Variants in AXL observed in about 807,000 individuals in gnomAD.
AXL encodes the protein tyrosine-protein kinase receptor UFO.
Under a neutral mutation model 104.5 loss-of-function variants are expected in AXL, and 52 were observed. The observed-to-expected ratio is 0.50, with a 90% CI of 0.40 to 0.63. The LOEUF (loss-of-function observed/expected upper bound fraction) is 0.63. Among genes scored for constraint, AXL ranks in the 20% least tolerant of loss-of-function variants. The pLI, the probability that AXL is intolerant of heterozygous loss-of-function variation, is 0.00. For missense variants in AXL, 1,024 were observed against 1,188.5 expected (o/e 0.86, Z 2.04); for synonymous variants, 455 against 473.7 (o/e 0.96, Z 0.51).
Position 41,248,523 on chromosome 19 carries a change from T to C in AXL, c.1547T>C (p.Leu516Pro). The change falls in exon 13 of 20, where the codon CTG (leucine) becomes CCG (proline). Residue 516 changes from leucine (L) to proline (P), a missense_variant. Leu to Pro is a moderately conservative substitution (Grantham distance 98). Coordinates refer to ENST00000301178, the MANE Select transcript of AXL (RefSeq NM_021913.5). The stretch of plus-strand genomic sequence containing the variant: ...CCAACCTTGCATGCAGTGAACAGCC[T>C]GGGCATCAGTGAAGAGCTGAAGGAG... ...RRTTEATLNS[L>P]GISEELKEKL... 1 of 1,614,216 alleles carries C rather than the reference T, an allele frequency of 6.2e-7. No individual in the cohort carries two copies.
At chr19:41,244,472 T>C (rs983678448) in intron 12 of AXL, among the ~76,000 whole-genome samples, 4 of 151,534 alleles carry the variant, frequency 2.6e-5, no homozygotes, top group African/African-American at 9.7e-5. Flanking sequence ...CGGGTTTCTT[T>C]TTTCTTTTTT....
intron 12 of AXL, among the ~76,000 whole-genome samples, chr19:41,245,544 G>A (rs2034257414): frequency 6.6e-6 from 1 of 152,064 alleles, no homozygotes; most frequent in Non-Finnish European, 1.5e-5. Context: ...CCAACATGGC[G>A]AGACCCTGTC....
intron 6 of AXL, among the ~76,000 whole-genome samples, chr19:41,235,215 G>A (rs558033410): frequency 6.6e-6 from 1 of 152,160 alleles, no homozygotes; most frequent in Admixed American, 6.6e-5. Flanking sequence ...GCCGGGTGTG[G>A]TGGTGCATGC....
At position 41,239,719 on chromosome 19, in the gene AXL, G is replaced by A; in HGVS notation, c.1311G>A (p.Leu437=). The A allele has an allele frequency of 1.2e-6, 2 of 1,614,102 alleles. No homozygotes were observed. The highest frequency in any genetic ancestry group is 8.5e-7 in the Non-Finnish European group (1 of 1,180,014). Residue 437 remains leucine (L), a splice_region_variant and synonymous_variant, in exon 10 of 20, where the codon CTG becomes CTA. Transcript: ENST00000301178. ...GGCAAGCACAGCCAGTCCACCAGCT[G>A]GGTAAGGGCTTCCACACCCCATCTC... ...RPGQAQPVHQ[L]VKEPSTPAFS...
rs1313719518 is a variant in AXL at position 41,220,807 on chromosome 19, T to C, written c.257T>C (p.Val86Ala). The change falls in exon 2 of 20, where the codon GTG (valine) becomes GCG (alanine). Residue 86 changes from valine (V) to alanine (A), a missense_variant. By Grantham distance (64) the Val-to-Ala change is moderately conservative. Transcript: ENST00000301178. ...LELADSTQTQ[V>A]PLGEDEQDDW... is the part of the protein sequence containing the mutation. ...CTCGCGGACAGCACCCAGACCCAGG[T>C]GCCCCTGGGTGAGGATGAACAGGAT... 1.9e-6 allele frequency: 3 copies of C among 1,613,892 alleles called. No individual in the cohort carries two copies. Among genetic ancestry groups the C allele is most frequent in the African/African-American group, 2.7e-5 (2 of 74,874 alleles).
chr19:41,235,393 G>A (rs78985116), intron 6 of AXL, among the ~76,000 whole-genome samples: 806 of 59,618 alleles, frequency 0.014, 8 homozygotes, highest in African/African-American at 0.063. Context: ...TAGATAGATA[G>A]ATAGATAGAT....
At chr19:41,244,157 A>G (rs1599737143) in intron 12 of AXL, among the ~76,000 whole-genome samples, 1 of 152,250 alleles carries the variant, frequency 6.6e-6, no homozygotes, top group East Asian at 1.9e-4. Context: ...GTAAGCCGTG[A>G]TCACACCACT....
intron 7 of AXL, 144 bp downstream of exon 7, chr19:41,238,298 C>A: frequency 7.0e-7 from 1 of 1,424,796 alleles, no homozygotes; most frequent in Non-Finnish European, 9.7e-7. Flanking sequence ...CTCAGCAGCA[C>A]TGCCCGCTGG....
chr19:41,225,734 G>A (rs1276702540), intron 4 of AXL, among the ~76,000 whole-genome samples: 1 of 152,148 alleles, frequency 6.6e-6, no homozygotes, highest in Non-Finnish European at 1.5e-5. Flanking sequence ...CACTGTGTTT[G>A]TGACATCAGC....
intron 6 of AXL, among the ~76,000 whole-genome samples, chr19:41,236,264 C>A (rs574623811): frequency 6.9e-6 from 1 of 145,636 alleles, no homozygotes; most frequent in Non-Finnish European, 1.5e-5. Context: ...GCCCAGGAGG[C>A]GGAGGTTGCA....
At chr19:41,226,233 C>T (rs2033878398) in intron 4 of AXL, among the ~76,000 whole-genome samples, 1 of 152,152 alleles carries the variant, frequency 6.6e-6, no homozygotes, top group Non-Finnish European at 1.5e-5. Flanking sequence ...GGAACGGGAC[C>T]CGGCTCCAGA....
chr19:41,228,740 C>T (rs1029923621), intron 4 of AXL, among the ~76,000 whole-genome samples: 8 of 152,116 alleles, frequency 5.3e-5, no homozygotes, highest in Middle Eastern at 3.4e-3. Context: ...CAGCAGGGGA[C>T]GAAACAGACA....
chr19:41,253,361 C>T (rs1278814867), intron 16 of AXL, among the ~76,000 whole-genome samples: 1 of 152,004 alleles, frequency 6.6e-6, no homozygotes. Flanking sequence ...TGTCTGAAGA[C>T]CAGACAGGAG....
chr19:41,226,550 C>T (rs777308182), intron 4 of AXL, among the ~76,000 whole-genome samples: 5 of 152,356 alleles, frequency 3.3e-5, no homozygotes, highest in Non-Finnish European at 7.3e-5. Context: ...CACCATTCCA[C>T]TCCCTCCGCT....
intron 17 of AXL, among the ~76,000 whole-genome samples, chr19:41,255,077 G>A (rs1438463828): frequency 9.9e-5 from 15 of 152,106 alleles, no homozygotes; most frequent in Admixed American, 9.8e-4. Flanking sequence ...AATCACTACC[G>A]CCAAGTGGTA....
intron 12 of AXL, among the ~76,000 whole-genome samples, chr19:41,245,830 C>G (rs1183353625): frequency 6.6e-6 from 1 of 151,990 alleles, no homozygotes; most frequent in East Asian, 1.9e-4. Context: ...CGCCAGGGCC[C>G]CAGGGGGATG....
At chr19:41,236,786 GA>G (rs56927752) in intron 6 of AXL, among the ~76,000 whole-genome samples, 53,905 of 131,894 alleles carry the variant, frequency 0.41, 9,848 homozygotes, top group South Asian at 0.51. Flanking sequence ...CCAAAAAAAG[GA>G]AAAAAAAAAA....
intron 10 of AXL, among the ~76,000 whole-genome samples, chr19:41,240,626 T>A (rs549443462): frequency 6.6e-6 from 1 of 152,250 alleles, no homozygotes; most frequent in South Asian, 2.1e-4. Context: ...CCTTCAATAC[T>A]CCTCACATCC....
At chr19:41,248,419 G>A in intron 12 of AXL, 95 bp from the exon 13 acceptor site, 2 of 1,193,200 alleles carry the variant, frequency 1.7e-6, no homozygotes, top group African/African-American at 1.5e-5. Flanking sequence ...AAGTATGTCA[G>A]TGTTTCAACA....
Sources: allele counts gnomAD v4.1 joint callset (sites outside exome capture counted in the v4.1 genomes callset), GRCh38; gene constraint gnomAD v4.1.1; transcripts MANE v1.5; gene names NCBI Gene and HGNC (gene_info 2026-07-23, HGNC 2026-07-21).